ATRX: variants seen among roughly 807,000 people sequenced by gnomAD.
ATRX encodes the protein chromatin remodeler ATRX.
In ATRX, 12 loss-of-function variants were observed where a neutral mutation model predicts 172.6. The ratio of observed to expected loss-of-function variants is 0.07; its 90% confidence interval spans 0.04 to 0.11. The LOEUF (loss-of-function observed/expected upper bound fraction) is 0.11, where lower values mean the gene tolerates loss of function less well. Among genes scored for constraint, ATRX ranks in the 10% least tolerant of loss-of-function variants. The probability of loss-of-function intolerance (pLI) is 1.00; values close to 1 mark genes in which losing one functional copy is unlikely to be tolerated. For missense variants in ATRX, 1,368 were observed against 1,767.4 expected, an observed-to-expected ratio of 0.77 and a Z score of 4.05; for synonymous variants, 674 against 594.7, an observed-to-expected ratio of 1.13 and a Z score of -1.94.
At position 77,732,549 on chromosome X, in the gene ATRX, G is replaced by A. The variant is rs2074341885; in HGVS notation, c.21-15306C>T. Reference sequence around the variant, plus strand: ...TGCAAACATCCTCAACAAAATACTAGCAAATCAGACACATTAAAAAGATCA... The same window carrying A: ...TGCAAACATCCTCAACAAAATACTAACAAATCAGACACATTAAAAAGATCA... On this transcript the variant is annotated intron_variant, in intron 1 of 34. Coordinates refer to ENST00000373344, the MANE Select transcript of ATRX (RefSeq NM_000489.6). Among the ~76,000 whole-genome samples, 4 of 111,620 alleles carry A rather than the reference G, an allele frequency of 3.6e-5. No individual in the cohort carries two copies. In the South Asian group the frequency reaches 1.5e-3, roughly 42 times the overall value.
At chrX:77,713,560 G>A (rs1490143279) in intron 2 of ATRX, among the ~76,000 whole-genome samples, 4 of 111,620 alleles carry the variant, frequency 3.6e-5, no homozygotes, top group Non-Finnish European at 7.5e-5. Context: ...CCATCCAGGT[G>A]AGGCTCCTAC....
intron 15 of ATRX, among the ~76,000 whole-genome samples, chrX:77,641,346 G>A (rs2068643590): frequency 9.0e-6 from 1 of 110,953 alleles, no homozygotes; most frequent in Admixed American, 9.6e-5. Context: ...GGGAGGCAGA[G>A]GTAGGTGAAT....
chrX:77,716,088 T>C (rs908420402), intron 2 of ATRX, among the ~76,000 whole-genome samples: 1 of 98,433 alleles, frequency 1.0e-5, no homozygotes, highest in African/African-American at 3.9e-5. Context: ...CTGGACAACA[T>C]AGCAAGACCA....
chrX:77,640,310 C>T (rs141824733), intron 15 of ATRX, among the ~76,000 whole-genome samples: 3 of 110,354 alleles, frequency 2.7e-5, no homozygotes, highest in Non-Finnish European at 5.7e-5. Context: ...TGTACCCCCC[C>T]ACCCCGTATC....
intron 1 of ATRX, among the ~76,000 whole-genome samples, chrX:77,757,673 C>CT (rs782109182): frequency 2.4e-3 from 236 of 100,416 alleles, no homozygotes; most frequent in South Asian, 3.5e-3. Context: ...AAAGTATTAT[C>CT]TTTTTTTTTT....
Position 77,717,120 on chromosome X carries a change from T to C in ATRX, c.133+11A>G. On this transcript the variant is annotated intron_variant, in intron 2 of 34. Coordinates refer to ENST00000373344, the MANE Select transcript of ATRX (RefSeq NM_000489.6). The stretch of plus-strand genomic sequence containing the variant: ...AGACTAGAAGGTATAGCACATTCTT[T>C]TTCAATTTACCTGTGTTTTGATTCA... The C allele has an allele frequency of 8.4e-7, 1 of 1,187,184 alleles. No individual in the cohort carries two copies. The highest frequency in any genetic ancestry group is 1.1e-6 in the Non-Finnish European group (1 of 873,776).
chrX:77,683,626 G>T lies in ATRX; in HGVS notation c.1630C>A (p.His544Asn), dbSNP rs2071381766. ...TAMEVQSSVD[H>N]QGDGSSGTEQ... ...GTTCCACTGCTGCCATCCCCTTGAT[G>T]ATCAACTGAACTCTGAACTTCCATA... The change falls in exon 9 of 35, where the codon CAT (histidine) becomes AAT (asparagine). Residue 544 changes from histidine (H) to asparagine (N), a missense_variant. Transcript: ENST00000373344. 8.3e-7 allele frequency: 1 copy of T among 1,211,444 alleles called. No individual in the cohort carries two copies. The highest frequency in any genetic ancestry group is 1.1e-6 in the Non-Finnish European group (1 of 895,238).
rs1332447363 is a variant in ATRX, at chrX:77,682,123, T to C, written c.3133A>G (p.Lys1045Glu). The change falls in exon 9 of 35, where the codon AAA (lysine) becomes GAA (glutamate). Residue 1045 changes from lysine (K) to glutamate (E), a missense_variant. Coordinates refer to ENST00000373344, the MANE Select transcript of ATRX (RefSeq NM_000489.6). ...IKNGTTDGEKKSKKIRDKTSK... is the reference protein window; with the variant it reads ...IKNGTTDGEKESKKIRDKTSK... ...GTTTTATCTCTTATTTTTTTACTTT[T>C]CTTTTCTCCATCAGTTGTTCCATTC... 1.7e-5 allele frequency: 20 copies of C among 1,208,818 alleles called. No individual in the cohort carries two copies. Among genetic ancestry groups the C allele is most frequent in the African/African-American group, 5.2e-5 (3 of 57,197 alleles).
chrX:77,585,363 C>T (rs1427274504), intron 27 of ATRX, among the ~76,000 whole-genome samples: 2 of 108,404 alleles, frequency 1.8e-5, no homozygotes, highest in East Asian at 5.8e-4. Flanking sequence ...AACCTGAGGT[C>T]AAGAGTTTGA....
At chrX:77,697,720 A>G in intron 3 of ATRX, 85 bp from the exon 4 acceptor site, 1 of 798,570 alleles carries the variant, frequency 1.3e-6, no homozygotes, top group Non-Finnish European at 1.9e-6. Context: ...AGCAACTTCA[A>G]TACAGTGATA....
intron 1 of ATRX, among the ~76,000 whole-genome samples, chrX:77,720,731 G>A (rs1557168475): frequency 9.0e-6 from 1 of 111,709 alleles, no homozygotes; most frequent in East Asian, 2.8e-4. Context: ...ATTCAAAGCT[G>A]AATTCTACCA....
chrX:77,702,933 C>T (rs1342922985), intron 2 of ATRX, among the ~76,000 whole-genome samples: 1 of 111,755 alleles, frequency 8.9e-6, no homozygotes, highest in Admixed American at 9.5e-5. Context: ...GGCTATGTTT[C>T]CCAGGCTGGT....
intron 2 of ATRX, among the ~76,000 whole-genome samples, chrX:77,704,677 C>A (rs1217804000): frequency 1.8e-5 from 2 of 112,531 alleles, no homozygotes; most frequent in Admixed American, 9.3e-5. Context: ...GGGGTCAAGG[C>A]AGCAGAAGGC....
intron 22 of ATRX, among the ~76,000 whole-genome samples, chrX:77,602,665 A>G (rs2066725057): frequency 9.1e-6 from 1 of 110,055 alleles, no homozygotes; most frequent in Non-Finnish European, 1.9e-5. Flanking sequence ...TCTTTGGTCC[A>G]TTGGTTATTT....
intron 27 of ATRX, among the ~76,000 whole-genome samples, chrX:77,584,821 T>C (rs2065949084): frequency 9.0e-6 from 1 of 110,548 alleles, no homozygotes; most frequent in Admixed American, 9.7e-5. Context: ...TTTCATCAAG[T>C]TAAAAAGCTT....
At position 77,507,747 on chromosome X, in the gene ATRX, G is replaced by C. The variant is rs2062741245; in HGVS notation, c.*604C>G. ...CAAGACTTCTCCAACTTTTAGAGCAGTAGTATTTAAGAATATTGCACACAA... is the reference window on the plus strand; with the variant it reads ...CAAGACTTCTCCAACTTTTAGAGCACTAGTATTTAAGAATATTGCACACAA... On this transcript the variant is annotated 3_prime_UTR_variant, in exon 35 of 35. Coordinates refer to ENST00000373344, the MANE Select transcript of ATRX (RefSeq NM_000489.6). 1 of 175,823 alleles carries C rather than the reference G, an allele frequency of 5.7e-6. No individual in the cohort carries two copies. Among genetic ancestry groups the C allele is most frequent in the South Asian group, 2.9e-4 (1 of 3,399 alleles). 14.5% of individuals were successfully genotyped at this position (175,823 alleles called of 1,213,427 possible).
intron 34 of ATRX, among the ~76,000 whole-genome samples, chrX:77,509,917 G>C (rs1421566572): frequency 2.7e-5 from 2 of 74,424 alleles, no homozygotes; most frequent in East Asian, 5.7e-4. Context: ...GGGGCGGGGG[G>C]GGGGGGCACA....
chrX:77,578,531 C>G (rs1557071904), intron 27 of ATRX, among the ~76,000 whole-genome samples: 1 of 112,166 alleles, frequency 8.9e-6, no homozygotes, highest in East Asian at 2.8e-4. Context: ...GCCCTAGCTC[C>G]CTGGGCCAGA....
chrX:77,535,623 A>G (rs1557048105), intron 30 of ATRX, among the ~76,000 whole-genome samples: 1 of 112,035 alleles, frequency 8.9e-6, no homozygotes, highest in African/African-American at 3.2e-5. Flanking sequence ...ACATTTCACA[A>G]ACATTGTTAC....
Sources: gnomAD v4.1 joint callset for allele counts (sites outside exome capture counted in the v4.1 genomes callset) on GRCh38, gnomAD v4.1.1 for gene constraint, MANE v1.5 for transcripts, NCBI Gene and HGNC (gene_info 2026-07-23, HGNC 2026-07-21) for gene names.